SLC35F3: variants seen among roughly 807,000 people sequenced by gnomAD.
SLC35F3 encodes the protein putative thiamine transporter SLC35F3.
A neutral mutation model predicts 49.9 loss-of-function variants in SLC35F3; 25 were observed. The observed-to-expected ratio is 0.50, with a 90% confidence interval of 0.37 to 0.70. The LOEUF is 0.70. Ranked by LOEUF, SLC35F3 falls within the 30% of genes least tolerant of loss-of-function variation. The pLI, the probability that SLC35F3 is intolerant of heterozygous loss-of-function variation, is 0.00. For synonymous variants in SLC35F3, 275 were observed against 265.4 expected (o/e 1.04, Z -0.35); for missense variants, 525 against 639.8 (o/e 0.82, Z 1.94).
chr1:233,975,006 G>A (rs1414995450), intron 2 of SLC35F3, among the ~76,000 whole-genome samples: 2 of 152,206 alleles, frequency 1.3e-5, no homozygotes, highest in Non-Finnish European at 2.9e-5. Context: ...GGACACCCCT[G>A]GGCATGGAAG....
At chr1:233,916,289 G>A (rs957958838) in intron 2 of SLC35F3, among the ~76,000 whole-genome samples, 1 of 151,892 alleles carries the variant, frequency 6.6e-6, no homozygotes, top group Non-Finnish European at 1.5e-5. Context: ...ATTTTTAGAG[G>A]CAAGGCCTAG....
chr1:234,006,550 C>T (rs1422938967), intron 2 of SLC35F3, among the ~76,000 whole-genome samples: 1 of 152,204 alleles, frequency 6.6e-6, no homozygotes, highest in Non-Finnish European at 1.5e-5. Flanking sequence ...TTTCTGTATT[C>T]CATGTGTGAT....
Position 233,905,688 on chromosome 1 carries a change from G to C in SLC35F3, c.213G>C (p.Thr71=). The C allele has an allele frequency of 6.2e-7, 1 of 1,614,224 alleles. No individual in the cohort carries two copies. The highest frequency in any genetic ancestry group is 1.3e-5 in the African/African-American group (1 of 75,084). Reference sequence around the variant, plus strand: ...TCACCAGCGGGCCGGTGGGGCTCACGTCCATCGAGGAGCGGATCCTGCGCA... The same window carrying C: ...TCACCAGCGGGCCGGTGGGGCTCACCTCCATCGAGGAGCGGATCCTGCGCA... ...EDLTSGPVGL[T]SIEERILRIT... The change falls in exon 2 of 8, where the codon ACG becomes ACC. Residue 71 remains threonine, a synonymous_variant. Transcript: ENST00000366618.
intron 2 of SLC35F3, among the ~76,000 whole-genome samples, chr1:233,971,875 C>T (rs1662999607): frequency 6.6e-6 from 1 of 152,212 alleles, no homozygotes; most frequent in Non-Finnish European, 1.5e-5. Flanking sequence ...CATCCACTTA[C>T]ACCCTGCATG....
At chr1:233,942,474 T>C (rs1325107864) in intron 2 of SLC35F3, among the ~76,000 whole-genome samples, 1 of 152,054 alleles carries the variant, frequency 6.6e-6, no homozygotes, top group East Asian at 1.9e-4. Flanking sequence ...TAGGCTAGAG[T>C]GCGATGGCAC....
intron 2 of SLC35F3, among the ~76,000 whole-genome samples, chr1:233,996,584 C>T (rs1663465314): frequency 6.6e-6 from 1 of 152,074 alleles, no homozygotes; most frequent in Non-Finnish European, 1.5e-5. Context: ...ACACTGGTTG[C>T]CAAACCCTTC....
chr1:234,273,014 C>G (rs896017716), intron 3 of SLC35F3, among the ~76,000 whole-genome samples: 1 of 152,212 alleles, frequency 6.6e-6, no homozygotes, highest in Non-Finnish European at 1.5e-5. Flanking sequence ...CGGCACTCCT[C>G]GGATCCCTCT....
intron 2 of SLC35F3, among the ~76,000 whole-genome samples, chr1:234,047,927 A>T (rs570258036): frequency 6.6e-6 from 1 of 152,260 alleles, no homozygotes; most frequent in African/African-American, 2.4e-5. Context: ...ATAAGTGAAT[A>T]ATCATGAACA....
Position 233,933,123 on chromosome 1 carries a change from T to C in SLC35F3, c.283+27365T>C, listed in dbSNP as rs148928600. On this transcript the variant is annotated intron_variant, in intron 2 of 7. Transcript: ENST00000366618. ...CCATTCCTTGCCATTATTTTACTAC[T>C]TATTTGTTTTCCCCCAAAAGATGAC... Among the ~76,000 whole-genome samples the C allele has an allele frequency of 1.5e-3, 223 of 152,040 alleles. 1 individual carries two copies. The highest frequency in any genetic ancestry group is 5.2e-3 in the African/African-American group (217 of 41,492).
At chr1:233,928,142 C>A (rs1662188919) in intron 2 of SLC35F3, among the ~76,000 whole-genome samples, 1 of 152,104 alleles carries the variant, frequency 6.6e-6, no homozygotes, top group African/African-American at 2.4e-5. Flanking sequence ...TGCTTCCTCA[C>A]ATGTTGCCAG....
chr1:233,925,622 G>T (rs7545530), intron 2 of SLC35F3, among the ~76,000 whole-genome samples: 23 of 152,106 alleles, frequency 1.5e-4, no homozygotes, highest in Admixed American at 1.4e-3. Context: ...GGAGCATTTA[G>T]CCCATTTACA....
intron 2 of SLC35F3, among the ~76,000 whole-genome samples, chr1:234,170,734 C>T (rs1666388935): frequency 1.3e-5 from 2 of 152,254 alleles, no homozygotes; most frequent in African/African-American, 4.8e-5. Context: ...GAAGAGGTGA[C>T]CAGGTTACCT....
At chr1:233,987,095 TG>T (rs1663277078) in intron 2 of SLC35F3, among the ~76,000 whole-genome samples, 1 of 152,128 alleles carries the variant, frequency 6.6e-6, no homozygotes, top group Non-Finnish European at 1.5e-5. Context: ...GAGACCAGCC[TG>T]GCCAACATGA....
At chr1:234,309,980 G>A (rs1657306634) in intron 4 of SLC35F3, among the ~76,000 whole-genome samples, 1 of 152,106 alleles carries the variant, frequency 6.6e-6, no homozygotes, top group South Asian at 2.1e-4. Context: ...GTCAAAGTTA[G>A]CTCGTCGGAT....
chr1:234,260,538 T>C (rs1229589604), intron 3 of SLC35F3, among the ~76,000 whole-genome samples: 3 of 152,198 alleles, frequency 2.0e-5, no homozygotes, highest in Non-Finnish European at 2.9e-5. Flanking sequence ...TCTTCCATAC[T>C]GGGTCCTCCT....
At chr1:234,189,802 G>A (rs374263378) in intron 2 of SLC35F3, among the ~76,000 whole-genome samples, 11 of 152,244 alleles carry the variant, frequency 7.2e-5, no homozygotes, top group Admixed American at 2.0e-4. Flanking sequence ...GGAAAGAATC[G>A]TAAGAGCTGT....
At chr1:234,297,299 G>C (rs545741336) in intron 3 of SLC35F3, among the ~76,000 whole-genome samples, 1 of 152,132 alleles carries the variant, frequency 6.6e-6, no homozygotes, top group African/African-American at 2.4e-5. Flanking sequence ...CCCGTTACTG[G>C]GTATATATAC....
chr1:234,322,215 T>C (rs1253737662), intron 7 of SLC35F3, among the ~76,000 whole-genome samples: 2 of 149,330 alleles, frequency 1.3e-5, no homozygotes, highest in Non-Finnish European at 3.0e-5. Flanking sequence ...AAAAATACAG[T>C]TGACCCTTGA....
intron 2 of SLC35F3, among the ~76,000 whole-genome samples, chr1:233,976,661 A>G (rs1663088019): frequency 6.6e-6 from 1 of 151,914 alleles, no homozygotes; most frequent in Admixed American, 6.6e-5. Flanking sequence ...CCCAGACTGG[A>G]GTGCAGTGGC....
Sources: allele counts gnomAD v4.1 joint callset (sites outside exome capture counted in the v4.1 genomes callset), GRCh38; gene constraint gnomAD v4.1.1; transcripts MANE v1.5; gene names NCBI Gene and HGNC (gene_info 2026-07-23, HGNC 2026-07-21).